ITPRID1: variants seen among roughly 807,000 people sequenced by gnomAD.
ITPRID1 encodes protein ITPRID1.
In ITPRID1, 96 loss-of-function variants were observed where a neutral mutation model predicts 95.4. The observed-to-expected ratio is 1.01, with a 90% CI of 0.85 to 1.19. The LOEUF (loss-of-function observed/expected upper bound fraction) is 1.19, where lower values mean the gene tolerates loss of function less well. Ranked by LOEUF, ITPRID1 falls within the 50% of genes most tolerant of loss-of-function variation. ITPRID1 has a pLI of 0.00. For missense variants in ITPRID1, 1,339 were observed against 1,252.9 expected (o/e 1.07, Z -1.04); for synonymous variants, 510 against 453.6 (o/e 1.12, Z -1.58).
At chr7:31,545,087 C>T (rs1784054515) in intron 1 of ITPRID1, among the ~76,000 whole-genome samples, 1 of 152,054 alleles carries the variant, frequency 6.6e-6, no homozygotes, top group Admixed American at 6.6e-5. Flanking sequence ...TAAGGGGCTA[C>T]ACAGGTTGCT....
In ITPRID1 at chr7:31,599,611, TTC is replaced by T. The variant is rs1297772684; in HGVS notation, c.1228+16422_1228+16423del. 2.6e-3 allele frequency among the ~76,000 whole-genome samples: 152 copies of T among 58,856 alleles called. 4 individuals are homozygous for T. Among genetic ancestry groups the T allele is most frequent in the East Asian group, 9.3e-3 (13 of 1,404 alleles). The allele number at this position is 58,856 out of a possible 152,430, so 38.6% of individuals were successfully genotyped here. On this transcript the variant is annotated intron_variant, in intron 10 of 14. Coordinates refer to ENST00000615280, the MANE Select transcript of ITPRID1 (RefSeq NM_001257967.3). ...TTTCTTTCTTTCTTTCTTTCTTTCT[TTC>T]TTTCTTTCTTTCTTTCTTTCTTTCT...
chr7:31,641,946 T>G (rs765680092), intron 10 of ITPRID1, among the ~76,000 whole-genome samples: 5 of 152,210 alleles, frequency 3.3e-5, no homozygotes, highest in Admixed American at 6.5e-5. Flanking sequence ...TTTCTCTTCC[T>G]TCGTTTCAGG....
chr7:31,578,236 G>T lies in ITPRID1; in HGVS notation c.972G>T (p.Leu324Phe). 1 of 1,613,720 alleles carries T rather than the reference G, an allele frequency of 6.2e-7. No homozygotes were observed. The highest frequency in any genetic ancestry group is 8.5e-7 in the Non-Finnish European group (1 of 1,179,754). The change falls in exon 9 of 15, where the codon TTG (leucine) becomes TTT (phenylalanine). Residue 324 changes from leucine (L) to phenylalanine (F), a missense_variant. Leu to Phe is a conservative substitution (Grantham distance 22, BLOSUM62 0). Transcript: ENST00000615280. ...EHQSLQACDD[L>F]LPYPPHGLLS... ...AGTCTCTCCAAGCCTGTGATGATTT[G>T]CTACCTTATCCTCCTCATGGTCTTC...
intron 10 of ITPRID1, among the ~76,000 whole-genome samples, chr7:31,608,543 T>C (rs1407113298): frequency 6.6e-6 from 1 of 151,876 alleles, no homozygotes; most frequent in Non-Finnish European, 1.5e-5. Context: ...TTCAGCAGCA[T>C]TTTGTAGTTT....
At chr7:31,613,843 T>C (rs1786992536) in intron 10 of ITPRID1, among the ~76,000 whole-genome samples, 1 of 152,230 alleles carries the variant, frequency 6.6e-6, no homozygotes, top group African/African-American at 2.4e-5. Flanking sequence ...ATGACATTGT[T>C]ACATTTGTGT....
intron 10 of ITPRID1, among the ~76,000 whole-genome samples, chr7:31,586,409 C>T (rs1402768650): frequency 8.6e-5 from 13 of 151,722 alleles, no homozygotes; most frequent in East Asian, 3.9e-4. Flanking sequence ...CCTGAGGAGT[C>T]GCCACACTGA....
Position 31,651,250 on chromosome 7 carries a change from G to C in ITPRID1, c.2692G>C (p.Asp898His), listed in dbSNP as rs370201894. 15 of 1,613,220 alleles carry C rather than the reference G, an allele frequency of 9.3e-6. No individual in the cohort carries two copies. The highest frequency in any genetic ancestry group is 1.3e-5 in the Non-Finnish European group (15 of 1,179,496). The change falls in exon 13 of 15, where the codon GAC (aspartate) becomes CAC (histidine). Residue 898 changes from aspartate to histidine, a missense_variant. Physicochemically the swap from Asp to His is moderately conservative, Grantham distance 81. Coordinates refer to ENST00000615280, the MANE Select transcript of ITPRID1 (RefSeq NM_001257967.3). ...LMGQQALFSR[D>H]MSEEEREEAE... is the part of the protein sequence containing the mutation. ...GGGACAGCAGGCCCTCTTTTCCAGGGACATGTCAGAGGAGGAAAGGTAATT... is the reference window on the plus strand; with the variant it reads ...GGGACAGCAGGCCCTCTTTTCCAGGCACATGTCAGAGGAGGAAAGGTAATT...
chr7:31,627,209 C>T (rs564058920), intron 10 of ITPRID1, among the ~76,000 whole-genome samples: 23 of 152,230 alleles, frequency 1.5e-4, no homozygotes, highest in South Asian at 8.3e-4. Context: ...ACAGAGCAGC[C>T]AATCAATCAG....
chr7:31,623,293 C>A (rs1788101196), intron 10 of ITPRID1, among the ~76,000 whole-genome samples: 1 of 152,164 alleles, frequency 6.6e-6, no homozygotes, highest in African/African-American at 2.4e-5. Context: ...CGGGCAGAGA[C>A]ACAACCAAAA....
At chr7:31,651,033 C>G (rs1191283979) in intron 12 of ITPRID1, 109 bp from the exon 13 acceptor site, 1 of 1,226,336 alleles carries the variant, frequency 8.2e-7, no homozygotes, top group African/African-American at 1.5e-5. Context: ...AGCAGTAGGG[C>G]CTGTTTGCGA....
chr7:31,527,916 T>A (rs1783474031), intron 1 of ITPRID1, among the ~76,000 whole-genome samples: 1 of 152,188 alleles, frequency 6.6e-6, no homozygotes, highest in Admixed American at 6.5e-5. Context: ...AGTGTTCTAT[T>A]TGGAAGAGTT....
intron 10 of ITPRID1, among the ~76,000 whole-genome samples, chr7:31,613,976 G>C (rs1034017935): frequency 1.3e-5 from 2 of 152,180 alleles, no homozygotes; most frequent in African/African-American, 4.8e-5. Flanking sequence ...AGTTAGGATT[G>C]TTCACATTTT....
chr7:31,613,934 A>G (rs1323661964), intron 10 of ITPRID1, among the ~76,000 whole-genome samples: 1 of 152,206 alleles, frequency 6.6e-6, no homozygotes, highest in Non-Finnish European at 1.5e-5. Flanking sequence ...CCTTATGGAA[A>G]TATTCCATAT....
chr7:31,658,294 G>C (rs888180205), downstream of ITPRID1: 22 of 1,499,392 alleles, frequency 1.5e-5, no homozygotes, highest in Non-Finnish European at 1.9e-5. Flanking sequence ...TGCAGAGCTG[G>C]ATCCCTTTTT....
chr7:31,608,031 T>C (rs930002020), intron 10 of ITPRID1, among the ~76,000 whole-genome samples: 1 of 152,072 alleles, frequency 6.6e-6, no homozygotes, highest in African/African-American at 2.4e-5. Flanking sequence ...TGTGTATACA[T>C]GCACATATTT....
chr7:31,603,934 C>T (rs1043299310), intron 10 of ITPRID1, among the ~76,000 whole-genome samples: 1 of 152,194 alleles, frequency 6.6e-6, no homozygotes, highest in Non-Finnish European at 1.5e-5. Flanking sequence ...ACGCTGCTCC[C>T]TAGACATACT....
At chr7:31,625,557 G>T (rs1270396718) in intron 10 of ITPRID1, among the ~76,000 whole-genome samples, 1 of 152,046 alleles carries the variant, frequency 6.6e-6, no homozygotes, top group Non-Finnish European at 1.5e-5. Flanking sequence ...TCACTCATAG[G>T]TGGGAATTGA....
Position 31,643,104 on chromosome 7 carries a change from C to G in ITPRID1, c.1734C>G (p.Asp578Glu). 2 of 1,613,970 alleles carry G rather than the reference C, an allele frequency of 1.2e-6. No individual in the cohort carries two copies. Among genetic ancestry groups the G allele is most frequent in the Non-Finnish European group, 1.7e-6 (2 of 1,179,884 alleles). The change falls in exon 12 of 15, where the codon GAC (aspartate) becomes GAG (glutamate). Residue 578 changes from aspartate (D) to glutamate (E), a missense_variant. Asp to Glu is a conservative substitution (Grantham distance 45). Coordinates refer to ENST00000615280, the MANE Select transcript of ITPRID1 (RefSeq NM_001257967.3). ...FMVTHVTEMQ[D>E]SFVRPEGAGK... ...TAACCCACGTCACAGAAATGCAGGA[C>G]AGTTTTGTGAGGCCTGAGGGAGCTG... is the stretch of plus-strand genomic sequence containing the variant.
chr7:31,611,474 C>G (rs1786865752), intron 10 of ITPRID1, among the ~76,000 whole-genome samples: 1 of 151,760 alleles, frequency 6.6e-6, no homozygotes, highest in Non-Finnish European at 1.5e-5. Context: ...TGTTTTTTCA[C>G]TCCCACCTGA....
Sources: gnomAD v4.1 joint callset for allele counts (sites outside exome capture counted in the v4.1 genomes callset) on GRCh38, gnomAD v4.1.1 for gene constraint, MANE v1.5 for transcripts, NCBI Gene and HGNC (gene_info 2026-07-23, HGNC 2026-07-21) for gene names.